Variants in CACNA1D observed in about 807,000 individuals in gnomAD.
The protein encoded by CACNA1D is calcium voltage-gated channel subunit alpha1 D, also known as voltage-dependent L-type calcium channel subunit alpha-1D.
A neutral mutation model predicts 257.1 loss-of-function variants in CACNA1D; 55 were observed. That is an observed-to-expected ratio of 0.21 (90% CI 0.17 to 0.27). The LOEUF (loss-of-function observed/expected upper bound fraction) is 0.27, where lower values mean the gene tolerates loss of function less well. Ranked by LOEUF, CACNA1D falls within the 10% of genes least tolerant of loss-of-function variation. The pLI is 1.00. For missense variants in CACNA1D, 1,876 were observed against 2,784.0 expected (o/e 0.67, Z 7.34); for synonymous variants, 980 against 1,014.9 (o/e 0.97, Z 0.65).
chr3:53,813,353 C>G lies in CACNA1D; in HGVS notation c.*1947C>G, dbSNP rs576976489. 1 of 152,314 alleles carries G rather than the reference C, an allele frequency of 6.6e-6. No homozygotes were observed. The highest frequency in any genetic ancestry group is 1.9e-4 in the East Asian group (1 of 5,190). 9.4% of individuals were successfully genotyped at this position (152,314 alleles called of 1,614,324 possible). A position where few individuals can be genotyped will look rare whatever the true frequency, so the allele number is the denominator to read the frequency against. ...ACTTGGGAGTGCTCCTTGCACAGAG[C>G]TGTCATTTGCCAGTGAGAGCCTCCG... On this transcript the variant is annotated 3_prime_UTR_variant, in exon 48 of 48. Coordinates refer to ENST00000350061, the MANE Select transcript of CACNA1D (RefSeq NM_001128840.3).
intron 3 of CACNA1D, among the ~76,000 whole-genome samples, chr3:53,516,663 C>T (rs1415454666): frequency 1.3e-5 from 2 of 152,192 alleles, no homozygotes. Context: ...TTGATGGCTT[C>T]ATGGAAGTAT....
intron 3 of CACNA1D, among the ~76,000 whole-genome samples, chr3:53,645,594 C>G (rs1169171576): frequency 6.6e-6 from 1 of 152,150 alleles, no homozygotes; most frequent in African/African-American, 2.4e-5. Flanking sequence ...ACTCTGTATT[C>G]TTGGCACCTC....
At chr3:53,530,360 C>T (rs1247289868) in intron 3 of CACNA1D, 1 of 152,172 alleles carries the variant, frequency 6.6e-6, no homozygotes, top group Non-Finnish European at 1.5e-5. Flanking sequence ...AATTTCTACA[C>T]CTCTGTCTTC....
chr3:53,635,463 G>C (rs147061776), intron 3 of CACNA1D, among the ~76,000 whole-genome samples: 394 of 152,254 alleles, frequency 2.6e-3, no homozygotes, highest in African/African-American at 9.2e-3. Context: ...TCTGGATTTG[G>C]GGGGGATCAG....
At chr3:53,653,550 A>G (rs2094119019) in intron 4 of CACNA1D, among the ~76,000 whole-genome samples, 1 of 152,178 alleles carries the variant, frequency 6.6e-6, no homozygotes, top group African/African-American at 2.4e-5. Context: ...AAGAGATGAA[A>G]AATATATCCA....
intron 45 of CACNA1D, among the ~76,000 whole-genome samples, chr3:53,806,373 A>AGGGGCT (rs1252779052): frequency 6.6e-6 from 1 of 151,898 alleles, no homozygotes; most frequent in Non-Finnish European, 1.5e-5. Flanking sequence ...TCCCACCTAG[A>AGGGGCT]GGGGCTGGGG....
At chr3:53,786,735 C>T (rs2109108595) in intron 39 of CACNA1D, 87 bp from the exon 40 acceptor site, 2 of 983,494 alleles carry the variant, frequency 2.0e-6, no homozygotes, top group Non-Finnish European at 1.5e-6. Context: ...CACTCTGCCC[C>T]TGCCCCTGCC....
chr3:53,659,081 C>T (rs2094177153), intron 4 of CACNA1D, among the ~76,000 whole-genome samples: 1 of 152,230 alleles, frequency 6.6e-6, no homozygotes, highest in African/African-American at 2.4e-5. Flanking sequence ...GTCATTCCCA[C>T]AATCTGATTG....
intron 3 of CACNA1D, among the ~76,000 whole-genome samples, chr3:53,512,551 G>A (rs776037745): frequency 2.1e-4 from 32 of 152,128 alleles, no homozygotes; most frequent in Admixed American, 2.0e-3. Context: ...TTTCAGACCC[G>A]CCAGCATGAC....
intron 3 of CACNA1D, among the ~76,000 whole-genome samples, chr3:53,642,581 C>T (rs545037539): frequency 6.6e-6 from 1 of 152,352 alleles, no homozygotes; most frequent in African/African-American, 2.4e-5. Flanking sequence ...GCAGAAGCTG[C>T]CTTTGCTCTG....
At chr3:53,647,216 G>T (rs992813802) in intron 3 of CACNA1D, among the ~76,000 whole-genome samples, 1 of 152,184 alleles carries the variant, frequency 6.6e-6, no homozygotes, top group Admixed American at 6.5e-5. Context: ...GCCTACTCAG[G>T]ATCTCCTGCC....
intron 38 of CACNA1D, among the ~76,000 whole-genome samples, chr3:53,780,419 G>A (rs1053253588): frequency 2.6e-5 from 4 of 152,208 alleles, no homozygotes; most frequent in Non-Finnish European, 2.9e-5. Flanking sequence ...GAGCAGAGAC[G>A]AAGCCATCAC....
intron 5 of CACNA1D, among the ~76,000 whole-genome samples, chr3:53,662,700 G>C (rs1371996636): frequency 2.0e-5 from 3 of 152,164 alleles, no homozygotes; most frequent in Admixed American, 1.3e-4. Context: ...GATCCACTGA[G>C]ATCTACCGTA....
At chr3:53,752,073 T>G (rs775422782) in intron 28 of CACNA1D, among the ~76,000 whole-genome samples, 166 bp downstream of exon 28, 2 of 152,122 alleles carry the variant, frequency 1.3e-5, no homozygotes, top group Non-Finnish European at 2.9e-5. Flanking sequence ...GTTGTCACGG[T>G]AGGAGTTTAA....
chr3:53,760,071 G>A (rs572126913), intron 29 of CACNA1D, among the ~76,000 whole-genome samples: 1 of 152,194 alleles, frequency 6.6e-6, no homozygotes, highest in Non-Finnish European at 1.5e-5. Flanking sequence ...CAGTCAGTGA[G>A]GGTAAAATGG....
intron 14 of CACNA1D, among the ~76,000 whole-genome samples, chr3:53,724,754 C>T (rs1282712002): frequency 2.0e-5 from 3 of 152,216 alleles, no homozygotes; most frequent in Non-Finnish European, 2.9e-5. Context: ...AGAGGAAAGG[C>T]AGCAGACAGC....
intron 9 of CACNA1D, among the ~76,000 whole-genome samples, chr3:53,708,471 G>A (rs947454332): frequency 6.6e-6 from 1 of 152,332 alleles, no homozygotes; most frequent in Middle Eastern, 3.4e-3. Context: ...TCTCCATTGG[G>A]GTGGCACTGG....
chr3:53,747,107 A>C (rs1559616275), intron 25 of CACNA1D, among the ~76,000 whole-genome samples, 195 bp from the exon 26 acceptor site: 1 of 152,252 alleles, frequency 6.6e-6, no homozygotes, highest in Non-Finnish European at 1.5e-5. Flanking sequence ...TTCAATGGTT[A>C]TTTGAGCCGC....
intron 22 of CACNA1D, among the ~76,000 whole-genome samples, 179 bp from the exon 23 acceptor site, chr3:53,744,561 G>T (rs990535479): frequency 2.0e-5 from 3 of 152,196 alleles, no homozygotes; most frequent in Non-Finnish European, 2.9e-5. Context: ...GTGCTGCCTC[G>T]TGTGGGCGGG....
Sources: gnomAD v4.1 joint callset for allele counts (sites outside exome capture counted in the v4.1 genomes callset) on GRCh38, gnomAD v4.1.1 for gene constraint, MANE v1.5 for transcripts, NCBI Gene and HGNC (gene_info 2026-07-23, HGNC 2026-07-21) for gene names.